Variants in DCC observed in about 807,000 individuals in gnomAD.
DCC encodes the protein DCC netrin 1 receptor, also known as netrin receptor DCC.
In DCC, 58 loss-of-function variants were observed where a neutral mutation model predicts 172.5. That is an observed-to-expected ratio of 0.34 (90% CI 0.27 to 0.42). The LOEUF (loss-of-function observed/expected upper bound fraction) is 0.42. DCC is among the 10% of genes least tolerant of loss of function. The probability of loss-of-function intolerance (pLI) is 1.00; values close to 1 mark genes in which losing one functional copy is unlikely to be tolerated. For missense variants in DCC, 1,740 were observed against 1,791.0 expected, an observed-to-expected ratio of 0.97 and a Z score of 0.51; for synonymous variants, 709 against 644.5, an observed-to-expected ratio of 1.10 and a Z score of -1.52.
intron 1 of DCC, among the ~76,000 whole-genome samples, chr18:52,706,103 G>A (rs2036205579): frequency 6.6e-6 from 1 of 152,136 alleles, no homozygotes; most frequent in African/African-American, 2.4e-5. Context: ...CAGCAGATGA[G>A]ACTCTGTGTT....
At chr18:52,640,370 C>A (rs1397747628) in intron 1 of DCC, among the ~76,000 whole-genome samples, 1 of 152,026 alleles carries the variant, frequency 6.6e-6, no homozygotes, top group Non-Finnish European at 1.5e-5. Context: ...AACAATCAGA[C>A]AAGAGAAAGA....
intron 1 of DCC, among the ~76,000 whole-genome samples, chr18:52,729,831 A>G (rs1307884750): frequency 2.8e-5 from 4 of 143,834 alleles, no homozygotes; most frequent in Non-Finnish European, 6.3e-5. Flanking sequence ...ACCACAGAAC[A>G]CTAGACCTGG....
At chr18:53,448,417 G>A (rs1179020366) in intron 22 of DCC, among the ~76,000 whole-genome samples, 1 of 152,158 alleles carries the variant, frequency 6.6e-6, no homozygotes, top group Admixed American at 6.5e-5. Flanking sequence ...ATCAGACCTT[G>A]TTGTGAGAAT....
At position 52,798,550 on chromosome 18, in the gene DCC, T is replaced by TTAAAA. The variant is rs1555664477; in HGVS notation, c.412+46176_412+46177insTAAAA. On this transcript the variant is annotated intron_variant, in intron 2 of 28. Transcript: ENST00000442544. The stretch of plus-strand genomic sequence containing the variant: ...TACAATTAGAGGTGTTTTTCTTTGT[T>TTAAAA]AAAAAATAAAAATCCAAATACTTTC... Among the ~76,000 whole-genome samples the TTAAAA allele has an allele frequency of 7.9e-5, 12 of 152,010 alleles. No individual in the cohort carries two copies. In the East Asian group the frequency reaches 2.3e-3, roughly 30 times the overall value.
intron 1 of DCC, among the ~76,000 whole-genome samples, chr18:52,690,918 A>T (rs931269733): frequency 6.6e-6 from 1 of 152,142 alleles, no homozygotes; most frequent in African/African-American, 2.4e-5. Flanking sequence ...TGGTGTCAGA[A>T]GTCAGGTGCT....
At chr18:52,838,392 C>T (rs1598853978) in intron 2 of DCC, among the ~76,000 whole-genome samples, 1 of 151,934 alleles carries the variant, frequency 6.6e-6, no homozygotes, top group East Asian at 1.9e-4. Context: ...CAGATTTTTA[C>T]AATTGTTCAG....
chr18:52,343,476 G>A (rs1057323227), intron 1 of DCC, among the ~76,000 whole-genome samples: 1 of 152,188 alleles, frequency 6.6e-6, no homozygotes, highest in African/African-American at 2.4e-5. Flanking sequence ...AAACTGTGAT[G>A]ATTTAACAAA....
In DCC at chr18:52,431,633, AT is replaced by A. The variant is rs528835377; in HGVS notation, c.91+90756del. On this transcript the variant is annotated intron_variant, in intron 1 of 28. Transcript: ENST00000442544. ...ATGGGCTTGGCTGTTTATGGTTCCA[AT>A]GCCAGATGAAATGCTCAGTGAACAC... 1.4e-4 allele frequency among the ~76,000 whole-genome samples: 22 copies of A among 152,292 alleles called. No individual in the cohort carries two copies. In the East Asian group the frequency reaches 4.2e-3, roughly 29 times the overall value.
At chr18:52,389,860 T>C (rs1985962578) in intron 1 of DCC, among the ~76,000 whole-genome samples, 1 of 152,144 alleles carries the variant, frequency 6.6e-6, no homozygotes, top group Admixed American at 6.6e-5. Flanking sequence ...TAATTGATTA[T>C]TGTTGATTGA....
chr18:53,023,685 T>C (rs981360203), intron 5 of DCC, among the ~76,000 whole-genome samples: 22 of 152,184 alleles, frequency 1.4e-4, no homozygotes, highest in African/African-American at 5.1e-4. Context: ...TTGTTTGTCC[T>C]TTATGATACT....
chr18:52,819,792 C>CACT (rs1299319465), intron 2 of DCC, among the ~76,000 whole-genome samples: 1 of 151,600 alleles, frequency 6.6e-6, no homozygotes, highest in African/African-American at 2.4e-5. Flanking sequence ...GATCTCTGCT[C>CACT]ACTGCAAGCT....
At chr18:53,438,452 T>A (rs1360065792) in intron 22 of DCC, among the ~76,000 whole-genome samples, 2 of 152,192 alleles carry the variant, frequency 1.3e-5, no homozygotes, top group Non-Finnish European at 2.9e-5. Context: ...CAAGTAACAT[T>A]TAAATTATTT....
chr18:52,963,938 A>G (rs2040887148), intron 5 of DCC, among the ~76,000 whole-genome samples: 1 of 151,986 alleles, frequency 6.6e-6, no homozygotes, highest in African/African-American at 2.4e-5. Context: ...CTTACCTTGC[A>G]CAAGGCTTGA....
In DCC at chr18:52,834,131, C is replaced by T. The variant is rs146685239; in HGVS notation, c.413-71913C>T. Among the ~76,000 whole-genome samples, 859 of 152,232 alleles carry T rather than the reference C, an allele frequency of 5.6e-3. 7 individuals carry two copies. Among genetic ancestry groups the T allele is most frequent in the African/African-American group, 0.02 (829 of 41,516 alleles). On this transcript the variant is annotated intron_variant, in intron 2 of 28. Coordinates refer to ENST00000442544, the MANE Select transcript of DCC (RefSeq NM_005215.4). ...ACAGGTGGGAACACATCCGGCTTGGCAATTGTTGTAACTGAATATTAGCCT... is the reference window on the plus strand; with the variant it reads ...ACAGGTGGGAACACATCCGGCTTGGTAATTGTTGTAACTGAATATTAGCCT...
chr18:53,219,580 A>C (rs2055900592), intron 12 of DCC, among the ~76,000 whole-genome samples: 3 of 152,048 alleles, frequency 2.0e-5, no homozygotes, highest in African/African-American at 7.2e-5. Context: ...TGAAATCCTT[A>C]TTCTTGAACA....
intron 1 of DCC, among the ~76,000 whole-genome samples, chr18:52,428,745 A>G (rs1987524790): frequency 6.6e-6 from 1 of 152,124 alleles, no homozygotes. Flanking sequence ...TTTCACTGAA[A>G]TAAATCACCA....
intron 1 of DCC, among the ~76,000 whole-genome samples, chr18:52,615,616 T>A (rs969428807): frequency 6.6e-6 from 1 of 152,320 alleles, no homozygotes; most frequent in African/African-American, 2.4e-5. Flanking sequence ...TCTTCACTGC[T>A]GTTCCTCAGC....
chr18:53,270,709 T>A (rs975506316), intron 12 of DCC, among the ~76,000 whole-genome samples: 4 of 152,144 alleles, frequency 2.6e-5, no homozygotes, highest in Non-Finnish European at 4.4e-5. Flanking sequence ...CCCATTGTTA[T>A]CTTTTTAAAA....
chr18:53,398,227 TC>T (rs1456772232), intron 18 of DCC, among the ~76,000 whole-genome samples: 1 of 152,154 alleles, frequency 6.6e-6, no homozygotes, highest in Non-Finnish European at 1.5e-5. Context: ...TAAAGCTGTT[TC>T]CTGGGTAAGT....
Sources: allele counts gnomAD v4.1 joint callset (sites outside exome capture counted in the v4.1 genomes callset), GRCh38; gene constraint gnomAD v4.1.1; transcripts MANE v1.5; gene names NCBI Gene and HGNC (gene_info 2026-07-23, HGNC 2026-07-21).